The following TEX38 variants were observed in gnomAD, a reference collection of about 807,000 sequenced individuals.
TEX38 encodes the protein testis-expressed protein 38.
TEX38 carries 5 observed loss-of-function variants against 2.7 expected under a neutral mutation model. That is an observed-to-expected ratio of 1.86 (90% CI 0.97 to 3.90). The LOEUF is 3.90. TEX38 is among the 30% of genes most tolerant of loss of function. The pLI is 0.00. For missense variants in TEX38, 218 were observed against 247.9 expected, an observed-to-expected ratio of 0.88 and a Z score of 0.81; for synonymous variants, 110 against 103.3, an observed-to-expected ratio of 1.06 and a Z score of -0.39.
upstream of TEX38, among the ~76,000 whole-genome samples, chr1:46,669,922 G>A (rs960935489): frequency 3.3e-5 from 5 of 152,138 alleles, no homozygotes; most frequent in African/African-American, 9.7e-5. Context: ...ATTTTAAATC[G>A]AATGAGATCG....
At chr1:46,669,352 G>A (rs1389435104), upstream of TEX38, 4 of 455,516 alleles carry the variant, frequency 8.8e-6, no homozygotes, top group African/African-American at 6.0e-5. Flanking sequence ...GAGGAACAGT[G>A]TAATGGAAGA....
Position 46,673,105 on chromosome 1 carries a change from C to G in TEX38, c.270C>G (p.Thr90=), listed in dbSNP as rs377229148. ...ACACGGGCCCTGCCCCTGCTGTCAC[C>G]AAGACTGAGACTGAGGTCCAGAATC... is the stretch of plus-strand genomic sequence containing the variant. ...AINTGPAPAV[T]KTETEVQNPD... Residue 90 remains threonine, a synonymous_variant, in exon 2 of 2, where the codon ACC becomes ACG. Transcript: ENST00000334122. 8.2e-5 allele frequency: 127 copies of G among 1,551,652 alleles called. 1 individual carries two copies. In the South Asian group the frequency reaches 8.7e-4, roughly 11 times the overall value.
Position 46,673,155 on chromosome 1 carries a change from T to C in TEX38, c.320T>C (p.Ile107Thr), listed in dbSNP as rs1569660235. Residue 107 changes from isoleucine to threonine, a missense_variant, in exon 2 of 2, where the codon ATC (isoleucine) becomes ACC (threonine). Ile to Thr is a moderately conservative substitution (Grantham distance 89, BLOSUM62 -1). Transcript: ENST00000334122. ...QNPDVLWDLDIPEGRSHADQD... is the reference protein window; with the variant it reads ...QNPDVLWDLDTPEGRSHADQD... Reference sequence around the variant, plus strand: ...CCAGATGTTCTGTGGGATTTGGACATCCCCGAAGGCAGGAGCCATGCTGAC... The same window carrying C: ...CCAGATGTTCTGTGGGATTTGGACACCCCCGAAGGCAGGAGCCATGCTGAC... The C allele has an allele frequency of 1.9e-6, 3 of 1,551,580 alleles. No homozygotes were observed. The East Asian group carries it at 7.3e-5, about 38-fold the overall frequency.
chr1:46,670,675 C>G (rs535089692), upstream of TEX38, among the ~76,000 whole-genome samples: 1 of 152,194 alleles, frequency 6.6e-6, no homozygotes, highest in South Asian at 2.1e-4. Flanking sequence ...AGGGAGAAAC[C>G]AGCAAAGGAG....
chr1:46,671,577 C>A (rs889048061), upstream of TEX38, among the ~76,000 whole-genome samples: 7 of 152,176 alleles, frequency 4.6e-5, no homozygotes, highest in African/African-American at 1.4e-4. Flanking sequence ...CCAGCAACAT[C>A]CGTAAGTACC....
chr1:46,671,456 C>T (rs1370490526), upstream of TEX38, among the ~76,000 whole-genome samples: 1 of 152,212 alleles, frequency 6.6e-6, no homozygotes, highest in Non-Finnish European at 1.5e-5. Flanking sequence ...GAGCAGGTTT[C>T]TTCCTGCCAA....
At chr1:46,670,713 G>A (rs990168087), upstream of TEX38, among the ~76,000 whole-genome samples, 9 of 152,268 alleles carry the variant, frequency 5.9e-5, no homozygotes, top group South Asian at 1.2e-3. Context: ...AGTGATATAC[G>A]AGGAGAACAA....
chr1:46,669,298 C>A, upstream of TEX38: 2 of 410,920 alleles, frequency 4.9e-6, no homozygotes, highest in South Asian at 3.5e-5. Context: ...TCTGCTCAAT[C>A]CAACCTATGC....
upstream of TEX38, chr1:46,671,720 G>A: frequency 1.8e-6 from 1 of 567,556 alleles, no homozygotes; most frequent in South Asian, 2.3e-5. Context: ...GCCACTGGAT[G>A]AAGTCCCCTC....
chr1:46,673,485 G>A lies in TEX38; in HGVS notation c.*29G>A, dbSNP rs1676633260. On this transcript the variant is annotated 3_prime_UTR_variant, in exon 2 of 2. Transcript: ENST00000334122. ...CCTCTCACTGAAGGTGGGAGCTGCA[G>A]GAATCAGGTGCAGAGTAGGAAATGG... 3 of 1,514,544 alleles carry A rather than the reference G, an allele frequency of 2.0e-6. No individual in the cohort carries two copies. Among genetic ancestry groups the A allele is most frequent in the Non-Finnish European group, 2.7e-6 (3 of 1,125,510 alleles). The allele number at this position is 1,514,544 out of a possible 1,614,324, so 93.8% of individuals were successfully genotyped here.
At chr1:46,670,445 G>A (rs184674687), upstream of TEX38, among the ~76,000 whole-genome samples, 73 of 152,262 alleles carry the variant, frequency 4.8e-4, no homozygotes, top group Non-Finnish European at 4.1e-4. Context: ...GTTGGTTTGG[G>A]ATAATTTAAC....
At chr1:46,671,170 A>C (rs1030156087), upstream of TEX38, among the ~76,000 whole-genome samples, 4 of 152,144 alleles carry the variant, frequency 2.6e-5, no homozygotes, top group African/African-American at 9.7e-5. Flanking sequence ...GTGGTGGAAA[A>C]GTGGGCAGGG....
At position 46,673,089 on chromosome 1, in the gene TEX38, C is replaced by T. The variant is rs1676618635; in HGVS notation, c.254C>T (p.Pro85Leu). 6.4e-7 allele frequency: 1 copy of T among 1,551,680 alleles called. No individual in the cohort carries two copies. The highest frequency in any genetic ancestry group is 1.4e-5 in the African/African-American group (1 of 73,066). ...ATGAATGCAGCCATCAACACGGGCC[C>T]TGCCCCTGCTGTCACCAAGACTGAG... ...YGMNAAINTG[P>L]APAVTKTETE... Residue 85 changes from proline to leucine, a missense_variant, in exon 2 of 2, where the codon CCT becomes CTT. By Grantham distance (98) the Pro-to-Leu change is moderately conservative. Coordinates refer to ENST00000334122, the MANE Select transcript of TEX38 (RefSeq NM_001145474.4).
At chr1:46,669,789 A>G (rs928956264), upstream of TEX38, among the ~76,000 whole-genome samples, 3 of 152,180 alleles carry the variant, frequency 2.0e-5, no homozygotes, top group African/African-American at 7.2e-5. Context: ...GGAAACAGCA[A>G]GTGCAAAGGC....
At chr1:46,671,703 A>C, upstream of TEX38, 1 of 545,134 alleles carries the variant, frequency 1.8e-6, no homozygotes, top group East Asian at 3.1e-5. Flanking sequence ...CATTCCACCC[A>C]AAAAATGCCA....
chr1:46,671,678 T>C (rs76645006), upstream of TEX38: 8,966 of 509,574 alleles, frequency 0.018, 336 homozygotes, highest in Admixed American at 0.11. Context: ...CAGTCTCTGA[T>C]GGAAGTAGTA....
chr1:46,672,376 C>T (rs1461618711), intron 1 of TEX38, among the ~76,000 whole-genome samples: 1 of 152,008 alleles, frequency 6.6e-6, no homozygotes, highest in Non-Finnish European at 1.5e-5. Flanking sequence ...TCTGAAGTAG[C>T]TGGGACTGCA....
upstream of TEX38, among the ~76,000 whole-genome samples, chr1:46,670,422 T>G (rs1449587826): frequency 6.6e-6 from 1 of 152,184 alleles, no homozygotes; most frequent in Non-Finnish European, 1.5e-5. Context: ...AATCAGAGTT[T>G]GGTTTTGGAC....
At position 46,673,228 on chromosome 1, in the gene TEX38, A is replaced by G. The variant is rs1676624111; in HGVS notation, c.393A>G (p.Ala131=). 5 of 1,550,724 alleles carry G rather than the reference A, an allele frequency of 3.2e-6. No homozygotes were observed. In the East Asian group the frequency reaches 1.2e-4, roughly 38 times the overall value. ...KAEAPAPLQP[A]LQLAPQQPQA... ...AAGCCCCTGCTCCCCTGCAACCTGC[A>G]CTGCAGCTGGCTCCACAGCAGCCCC... The change falls in exon 2 of 2, where the codon GCA becomes GCG. Residue 131 remains alanine, a synonymous_variant. Coordinates refer to ENST00000334122, the MANE Select transcript of TEX38 (RefSeq NM_001145474.4).
Sources: allele counts gnomAD v4.1 joint callset (sites outside exome capture counted in the v4.1 genomes callset), GRCh38; gene constraint gnomAD v4.1.1; transcripts MANE v1.5; gene names NCBI Gene and HGNC (gene_info 2026-07-23, HGNC 2026-07-21).